The following HDAC9 variants were observed in gnomAD, a reference collection of about 807,000 sequenced individuals.
HDAC9 encodes the protein MEF-2 interacting transcription repressor (MITR) protein.
In HDAC9, 41 loss-of-function variants were observed where a neutral mutation model predicts 139.4. That is an observed-to-expected ratio of 0.29 (90% CI 0.23 to 0.38). The LOEUF (loss-of-function observed/expected upper bound fraction) is 0.38. HDAC9 is among the 10% of genes least tolerant of loss of function. The probability of loss-of-function intolerance (pLI) is 1.00; values close to 1 mark genes in which losing one functional copy is unlikely to be tolerated. For synonymous variants in HDAC9, 517 were observed against 476.2 expected, an observed-to-expected ratio of 1.09 and a Z score of -1.12; for missense variants, 1,147 against 1,297.0, an observed-to-expected ratio of 0.88 and a Z score of 1.78.
intron 21 of HDAC9, among the ~76,000 whole-genome samples, chr7:18,840,464 G>A (rs1055570133): frequency 6.6e-6 from 1 of 152,060 alleles, no homozygotes; most frequent in Non-Finnish European, 1.5e-5. Flanking sequence ...CTTTGAGAGA[G>A]TTGTCTAGTA....
At chr7:18,329,898 A>G (rs1481407512) in intron 1 of HDAC9, among the ~76,000 whole-genome samples, 6 of 151,618 alleles carry the variant, frequency 4.0e-5, no homozygotes, top group Non-Finnish European at 5.9e-5. Flanking sequence ...CAACATTCTT[A>G]CTAGTTTTGC....
At chr7:18,089,425 G>T (rs1347182131) in intron 1 of HDAC9, among the ~76,000 whole-genome samples, 1 of 151,962 alleles carries the variant, frequency 6.6e-6, no homozygotes, top group African/African-American at 2.4e-5. Context: ...ACCAAATTAA[G>T]CATAACCGTT....
intron 22 of HDAC9, among the ~76,000 whole-genome samples, chr7:18,890,902 G>A (rs1279850929): frequency 5.9e-5 from 9 of 152,144 alleles, no homozygotes; most frequent in Admixed American, 5.9e-4. Flanking sequence ...GAGAGACCAG[G>A]CAATTAGACC....
chr7:18,964,416 T>G (rs185073719), intron 24 of HDAC9, among the ~76,000 whole-genome samples: 1 of 152,338 alleles, frequency 6.6e-6, no homozygotes, highest in Admixed American at 6.5e-5. Context: ...CTTATTTCAC[T>G]GTGAGACATG....
At chr7:18,221,119 T>TTTTTTTTTTTTTTTTTTTTG (rs1792670740) in intron 2 of HDAC9, among the ~76,000 whole-genome samples, 1 of 151,520 alleles carries the variant, frequency 6.6e-6, no homozygotes, top group African/African-American at 2.4e-5. Context: ...TTTTTTTTTT[T>TTTTTTTTTTTTTTTTTTTTG]GTGACGGAGT....
chr7:18,821,326 T>C (rs74367556), intron 17 of HDAC9, among the ~76,000 whole-genome samples: 2,804 of 152,266 alleles, frequency 0.018, 48 homozygotes, highest in Middle Eastern at 0.048. Flanking sequence ...TGGTGACTGA[T>C]AGAGGCTTAG....
At chr7:18,535,725 A>C (rs1810669531) in intron 2 of HDAC9, among the ~76,000 whole-genome samples, 1 of 26,726 alleles carries the variant, frequency 3.7e-5, no homozygotes, top group Non-Finnish European at 7.1e-5. Context: ...CATTAAGCAA[A>C]AAAAAAAAAA....
chr7:18,203,632 G>T (rs1053071726), intron 2 of HDAC9, among the ~76,000 whole-genome samples: 2 of 152,146 alleles, frequency 1.3e-5, no homozygotes, highest in African/African-American at 4.8e-5. Context: ...TTTTACTTTA[G>T]TTTGTATAAT....
At chr7:18,513,036 GTTAA>G (rs1802037381) in intron 2 of HDAC9, among the ~76,000 whole-genome samples, 1 of 152,192 alleles carries the variant, frequency 6.6e-6, no homozygotes, top group African/African-American at 2.4e-5. Context: ...AGGACAAACT[GTTAA>G]TTAAATAGTT....
chr7:18,847,853 A>G (rs1797013589), intron 21 of HDAC9, among the ~76,000 whole-genome samples: 1 of 152,192 alleles, frequency 6.6e-6, no homozygotes, highest in Non-Finnish European at 1.5e-5. Flanking sequence ...TTATGCTATG[A>G]AAGCCAAGGG....
At chr7:18,843,734 T>G (rs973668356) in intron 21 of HDAC9, among the ~76,000 whole-genome samples, 4 of 152,172 alleles carry the variant, frequency 2.6e-5, no homozygotes, top group Admixed American at 2.6e-4. Flanking sequence ...ACTACTAGAC[T>G]TATTGAGATG....
chr7:18,164,651 T>TAG (rs1787876638), intron 2 of HDAC9, among the ~76,000 whole-genome samples: 1 of 152,218 alleles, frequency 6.6e-6, no homozygotes, highest in Non-Finnish European at 1.5e-5. Context: ...ACATCATTCT[T>TAG]AGAAACGTTC....
intron 5 of HDAC9, among the ~76,000 whole-genome samples, chr7:18,592,322 G>T (rs1007478889): frequency 6.6e-6 from 1 of 151,986 alleles, no homozygotes; most frequent in African/African-American, 2.4e-5. Flanking sequence ...ATACACTGTG[G>T]TATTGTGGTT....
chr7:18,891,044 C>G (rs1332320179), intron 22 of HDAC9, among the ~76,000 whole-genome samples: 3 of 152,164 alleles, frequency 2.0e-5, no homozygotes, highest in Non-Finnish European at 1.5e-5. Flanking sequence ...ATCCAGCTGT[C>G]TCATTTAGAA....
chr7:18,862,801 GAGA>G (rs1486921254), intron 21 of HDAC9, among the ~76,000 whole-genome samples: 4 of 152,150 alleles, frequency 2.6e-5, no homozygotes, highest in African/African-American at 9.7e-5. Context: ...AATTCATTTT[GAGA>G]AGAATTATGA....
intron 2 of HDAC9, among the ~76,000 whole-genome samples, chr7:18,252,785 G>T (rs889406066): frequency 7.2e-5 from 11 of 151,810 alleles, no homozygotes; most frequent in African/African-American, 2.7e-4. Flanking sequence ...TATTATGGTA[G>T]GTAAATTTAA....
chr7:18,768,643 C>A (rs1790028084), intron 16 of HDAC9, among the ~76,000 whole-genome samples: 1 of 152,020 alleles, frequency 6.6e-6, no homozygotes, highest in Non-Finnish European at 1.5e-5. Context: ...TGGCTGCCTA[C>A]CTGTAAATGG....
chr7:18,783,661 CT>C (rs11348285), intron 16 of HDAC9, among the ~76,000 whole-genome samples: 79,246 of 132,324 alleles, frequency 0.6, 24,016 homozygotes, highest in Non-Finnish European at 0.72. Context: ...TCTGCTGAGA[CT>C]TTTTTTTTTT....
intron 12 of HDAC9, among the ~76,000 whole-genome samples, chr7:18,670,941 T>C (rs1183469888): frequency 6.6e-6 from 1 of 151,898 alleles, no homozygotes; most frequent in Non-Finnish European, 1.5e-5. Flanking sequence ...TATTCAACCA[T>C]TTTTAATCGT....
Sources: gnomAD v4.1 joint callset for allele counts (sites outside exome capture counted in the v4.1 genomes callset) on GRCh38, gnomAD v4.1.1 for gene constraint, MANE v1.5 for transcripts, NCBI Gene and HGNC (gene_info 2026-07-23, HGNC 2026-07-21) for gene names.